CRMP1: variants seen among roughly 807,000 people sequenced by gnomAD.
The protein encoded by CRMP1 is dihydropyrimidinase-related protein 1.
CRMP1 carries 19 observed loss-of-function variants against 68.3 expected under a neutral mutation model. The ratio of observed to expected loss-of-function variants is 0.28; its 90% CI spans 0.19 to 0.41. CRMP1 has a LOEUF of 0.41. Among genes scored for constraint, CRMP1 ranks in the 10% least tolerant of loss-of-function variants. The probability of loss-of-function intolerance (pLI) is 1.00; values close to 1 mark genes in which losing one functional copy is unlikely to be tolerated. For synonymous variants in CRMP1, 439 were observed against 399.6 expected (o/e 1.10, Z -1.18); for missense variants, 791 against 967.4 (o/e 0.82, Z 2.42).
At chr4:5,840,059 C>A (rs984835635) in intron 8 of CRMP1, among the ~76,000 whole-genome samples, 5 of 152,162 alleles carry the variant, frequency 3.3e-5, no homozygotes, top group African/African-American at 1.2e-4. Flanking sequence ...GAATCTAGTT[C>A]AAGAGTCTTA....
At chr4:5,864,251 G>A (rs1713815538) in intron 2 of CRMP1, among the ~76,000 whole-genome samples, 1 of 152,150 alleles carries the variant, frequency 6.6e-6, no homozygotes, top group African/African-American at 2.4e-5. Flanking sequence ...TCTAGCAGCA[G>A]GTGGTGTGTG....
chr4:5,885,276 G>A (rs1296554961), intron 1 of CRMP1, among the ~76,000 whole-genome samples: 1 of 152,082 alleles, frequency 6.6e-6, no homozygotes, highest in Non-Finnish European at 1.5e-5. Flanking sequence ...CATTGGCAAA[G>A]CTACACCCTT....
At position 5,888,540 on chromosome 4, in the gene CRMP1, A is replaced by T; in HGVS notation, c.381+4049T>A. 1.7e-6 allele frequency: 2 copies of T among 1,157,388 alleles called. No homozygotes were observed. Among genetic ancestry groups the T allele is most frequent in the Non-Finnish European group, 2.1e-6 (2 of 940,182 alleles). 71.7% of individuals were successfully genotyped at this position (1,157,388 alleles called of 1,614,324 possible). ...AGGGCGGGAGGAGGGGGCTGCAGAC[A>T]GCTCCTCCCGGCGGCGCGGAGCGAA... On this transcript the variant is annotated intron_variant, in intron 1 of 13. Transcript: ENST00000324989. This position sits in a 1 kb window ranked among gnomAD's most constrained non-coding sequence, Gnocchi z 6.4.
In CRMP1 at chr4:5,859,517, C is replaced by T. The variant is rs1057090742; in HGVS notation, c.655+1509G>A. Among the ~76,000 whole-genome samples, 2 of 152,194 alleles carry T rather than the reference C, an allele frequency of 1.3e-5. No homozygotes were observed. The highest frequency in any genetic ancestry group is 3.9e-4 in the East Asian group (2 of 5,194). On this transcript the variant is annotated intron_variant, in intron 3 of 13. Transcript: ENST00000324989. The surrounding 1 kb of genome is among the most constrained non-coding windows in gnomAD (Gnocchi z 5.2). ...GCACTACATGAAGGAATCTCATGTA[C>T]GTCTCCAAACCACCCTAGGCACTTC...
chr4:5,884,694 T>G (rs1715456394), intron 1 of CRMP1, among the ~76,000 whole-genome samples: 1 of 152,210 alleles, frequency 6.6e-6, no homozygotes, highest in African/African-American at 2.4e-5. Context: ...AGGTGAGAGA[T>G]AATGGCAATT....
intron 1 of CRMP1, among the ~76,000 whole-genome samples, chr4:5,875,959 T>C (rs967218277): frequency 6.6e-6 from 1 of 152,100 alleles, no homozygotes; most frequent in Non-Finnish European, 1.5e-5. Flanking sequence ...AAGACCATCC[T>C]GGCTAACACA....
chr4:5,889,029 T>C lies in CRMP1; in HGVS notation c.381+3560A>G, dbSNP rs1416619494. 6.6e-6 allele frequency among the ~76,000 whole-genome samples: 1 copy of C among 152,034 alleles called. No homozygotes were observed. Among genetic ancestry groups the C allele is most frequent in the African/African-American group, 2.4e-5 (1 of 41,398 alleles). ...GGACCCCAAGCCTTTATTCACGCTG[T>C]ACCCTCTCCCTGAATAGTCTACCCC... On this transcript the variant is annotated intron_variant, in intron 1 of 13. Transcript: ENST00000324989. The surrounding 1 kb of genome is among the most constrained non-coding windows in gnomAD (Gnocchi z 4.5).
In CRMP1 at chr4:5,843,271, G is replaced by T; in HGVS notation, c.964-110C>A. On this transcript the variant is annotated intron_variant, in intron 6 of 13. Coordinates refer to ENST00000324989, the MANE Select transcript of CRMP1 (RefSeq NM_001014809.3). This position sits in a 1 kb window ranked among gnomAD's most constrained non-coding sequence, Gnocchi z 4.1. ...GGGGGCAGCTGGGTCCCAAAGAGGC[G>T]AGTGGCTTGCACTAGGTTAACAGTG... is the stretch of plus-strand genomic sequence containing the variant. 9.3e-7 allele frequency: 1 copy of T among 1,072,980 alleles called. No homozygotes were observed. The highest frequency in any genetic ancestry group is 1.4e-6 in the Non-Finnish European group (1 of 705,654). 66.5% of individuals were successfully genotyped at this position (1,072,980 alleles called of 1,614,324 possible).
At position 5,859,095 on chromosome 4, in the gene CRMP1, G is replaced by A. The variant is rs138142620; in HGVS notation, c.655+1931C>T. Among the ~76,000 whole-genome samples, 7 of 152,284 alleles carry A rather than the reference G, an allele frequency of 4.6e-5. No individual in the cohort carries two copies. In the East Asian group the frequency reaches 5.8e-4, roughly 13 times the overall value. On this transcript the variant is annotated intron_variant, in intron 3 of 13. Transcript: ENST00000324989. The surrounding 1 kb of genome is among the most constrained non-coding windows in gnomAD (Gnocchi z 5.2). ...ACAGTTTCTAGTCATACATGTGGAC[G>A]ATTAGTGACTCCCCAAGAGATGGCA...
intron 1 of CRMP1, among the ~76,000 whole-genome samples, chr4:5,880,695 C>A (rs1715168312): frequency 6.6e-6 from 1 of 152,234 alleles, no homozygotes; most frequent in Admixed American, 6.5e-5. Context: ...ACTTCAGGGG[C>A]CCCCACACCT....
Position 5,825,540 on chromosome 4 carries a change from C to G in CRMP1, c.1923G>C (p.Gln641His). The change falls in exon 13 of 14, where the codon CAG becomes CAC. Residue 641 changes from glutamine to histidine, a missense_variant. Transcript: ENST00000324989. The surrounding 1 kb of genome is among the most constrained non-coding windows in gnomAD (Gnocchi z 4.4). Reference sequence around the variant, plus strand: ...GGTGGAGGTTTCTGATGGGTGGGGGCTGGTGTTTAGAAGGCGAAGATTTGG... The same window carrying G: ...GGTGGAGGTTTCTGATGGGTGGGGGGTGGTGTTTAGAAGGCGAAGATTTGG... Reference protein sequence around the residue: ...PSAKSSPSKHQPPPIRNLHQS... With the variant: ...PSAKSSPSKHHPPPIRNLHQS... The G allele has an allele frequency of 6.3e-7, 1 of 1,592,426 alleles. No individual in the cohort carries two copies. Among genetic ancestry groups the G allele is most frequent in the Non-Finnish European group, 8.5e-7 (1 of 1,172,354 alleles).
rs201976816 is a variant in CRMP1, at chr4:5,842,592, ACTCT to A, written c.1032+497_1032+500del. On this transcript the variant is annotated intron_variant, in intron 7 of 13. Coordinates refer to ENST00000324989, the MANE Select transcript of CRMP1 (RefSeq NM_001014809.3). This position sits in a 1 kb window ranked among gnomAD's most constrained non-coding sequence, Gnocchi z 4.5. ...CATGCACATGCACCCACACTCACAC[ACTCT>A]CTCACACACACACACACACACTCAC... Among the ~76,000 whole-genome samples the A allele has an allele frequency of 7.3e-4, 80 of 108,946 alleles. No homozygotes were observed. Among genetic ancestry groups the A allele is most frequent in the Admixed American group, 7.9e-4 (9 of 11,354 alleles). 71.5% of individuals were successfully genotyped at this position (108,946 alleles called of 152,430 possible).
chr4:5,892,787 C>A lies in CRMP1; in HGVS notation c.183G>T (p.Ala61=), dbSNP rs1051374182. Residue 61 remains alanine, a synonymous_variant, in exon 1 of 14, where the codon GCG becomes GCT. Transcript: ENST00000324989. This position sits in a 1 kb window ranked among gnomAD's most constrained non-coding sequence, Gnocchi z 8.6. ...GCCGGCCAGCGCTGCGCGGCGTGCG[C>A]GCCGAGCCGCGGCGGCCCACACTGT... ...DAYSVGRRGS[A]RTPRSAGRPD... 13 of 1,311,840 alleles carry A rather than the reference C, an allele frequency of 9.9e-6. No homozygotes were observed. In the African/African-American group the frequency reaches 2.0e-4, roughly 20 times the overall value. The allele number at this position is 1,311,840 out of a possible 1,614,324, so 81.3% of individuals were successfully genotyped here. A position where few individuals can be genotyped will look rare whatever the true frequency, so the allele number is the denominator to read the frequency against.
At chr4:5,867,578 AT>A (rs1258448448) in intron 1 of CRMP1, among the ~76,000 whole-genome samples, 1 of 152,144 alleles carries the variant, frequency 6.6e-6, no homozygotes, top group Non-Finnish European at 1.5e-5. Flanking sequence ...CCACTCACTC[AT>A]CCAAGCACCG....
chr4:5,876,021 C>T (rs1714802594), intron 1 of CRMP1, among the ~76,000 whole-genome samples: 1 of 151,936 alleles, frequency 6.6e-6, no homozygotes, highest in African/African-American at 2.4e-5. Flanking sequence ...AGCATGGTGG[C>T]AGGCGCCTGT....
chr4:5,872,604 T>C lies in CRMP1; in HGVS notation c.382-5848A>G, dbSNP rs1307576865. Among the ~76,000 whole-genome samples the C allele has an allele frequency of 1.3e-5, 2 of 152,138 alleles. No homozygotes were observed. Among genetic ancestry groups the C allele is most frequent in the Non-Finnish European group, 2.9e-5 (2 of 68,022 alleles). On this transcript the variant is annotated intron_variant, in intron 1 of 13. Transcript: ENST00000324989. The surrounding 1 kb of genome is among the most constrained non-coding windows in gnomAD (Gnocchi z 4.6). The stretch of plus-strand genomic sequence containing the variant: ...CGGGAGGCTGAGGCAGGAGAATCAC[T>C]TGAACCCAGGAGGCGGAGGTTGCAG...
chr4:5,848,654 G>C (rs1346243806), intron 6 of CRMP1, among the ~76,000 whole-genome samples: 1 of 152,194 alleles, frequency 6.6e-6, no homozygotes, highest in African/African-American at 2.4e-5. Context: ...TGCTATTACA[G>C]AATACCATAG....
intron 5 of CRMP1, 99 bp downstream of exon 5, chr4:5,851,309 G>T: frequency 1.9e-6 from 2 of 1,066,262 alleles, no homozygotes; most frequent in Middle Eastern, 2.5e-4. Context: ...CGAATCCCAC[G>T]GCTTCTCACA....
chr4:5,875,535 C>T (rs575579301), intron 1 of CRMP1, among the ~76,000 whole-genome samples: 1 of 152,086 alleles, frequency 6.6e-6, no homozygotes, highest in Non-Finnish European at 1.5e-5. Flanking sequence ...AGAGAAAAGA[C>T]TGTGACTATG....
Sources: allele counts gnomAD v4.1 joint callset (sites outside exome capture counted in the v4.1 genomes callset), GRCh38; gene constraint gnomAD v4.1.1; non-coding constraint Gnocchi (gnomAD v3.1); transcripts MANE v1.5; gene names NCBI Gene and HGNC (gene_info 2026-07-23, HGNC 2026-07-21).